EXOC4: variants seen among roughly 807,000 people sequenced by gnomAD.
EXOC4 encodes exocyst complex component 4.
In EXOC4, 71 loss-of-function variants were observed where a neutral mutation model predicts 107.2. The ratio of observed to expected loss-of-function variants is 0.66; its 90% CI spans 0.55 to 0.81. EXOC4 has a LOEUF of 0.81. EXOC4 is among the 30% of genes least tolerant of loss of function. EXOC4 has a pLI of 0.00. For missense variants in EXOC4, 1,108 were observed against 1,189.6 expected (o/e 0.93, Z 1.01); for synonymous variants, 456 against 441.2 (o/e 1.03, Z -0.42).
intron 14 of EXOC4, among the ~76,000 whole-genome samples, chr7:133,985,219 T>C (rs1043963902): frequency 2.4e-4 from 36 of 152,324 alleles, no homozygotes; most frequent in Middle Eastern, 3.4e-3. Context: ...CACATGATCA[T>C]GTAAATAACA....
intron 10 of EXOC4, among the ~76,000 whole-genome samples, chr7:133,735,130 G>A (rs1465718039): frequency 7.1e-6 from 1 of 141,744 alleles, no homozygotes; most frequent in Non-Finnish European, 1.5e-5. Context: ...GGAGGCTGAG[G>A]CAGGAGAATT....
intron 7 of EXOC4, among the ~76,000 whole-genome samples, chr7:133,377,838 G>C (rs1458694000): frequency 4.6e-5 from 7 of 152,246 alleles, no homozygotes; most frequent in Admixed American, 4.6e-4. Flanking sequence ...CAGAAACAAT[G>C]CAAGCCAGAA....
At chr7:133,856,932 C>T (rs890217416) in intron 11 of EXOC4, among the ~76,000 whole-genome samples, 28 of 150,698 alleles carry the variant, frequency 1.9e-4, no homozygotes, top group Non-Finnish European at 3.8e-4. Flanking sequence ...AACCCCGTCT[C>T]TACTAAAAAT....
chr7:133,723,748 C>G (rs1246579123), intron 10 of EXOC4, among the ~76,000 whole-genome samples: 1 of 152,122 alleles, frequency 6.6e-6, no homozygotes, highest in Admixed American at 6.5e-5. Context: ...GCCTCGGCCT[C>G]CCAAAGTGCT....
At chr7:133,926,156 A>G (rs925281221) in intron 13 of EXOC4, among the ~76,000 whole-genome samples, 2 of 152,132 alleles carry the variant, frequency 1.3e-5, no homozygotes, top group African/African-American at 4.8e-5. Context: ...ACGAATTTTC[A>G]GGAATTATTA....
chr7:134,093,116 G>T, the EXOC4 span, among the ~76,000 whole-genome samples: 1 of 151,968 alleles, frequency 6.6e-6, no homozygotes, highest in Admixed American at 6.6e-5. Flanking sequence ...TGGTCTAAAT[G>T]CCATTTACAT....
intron 7 of EXOC4, among the ~76,000 whole-genome samples, chr7:133,404,660 C>G (rs111650071): frequency 1.8e-3 from 272 of 152,114 alleles, no homozygotes; most frequent in African/African-American, 6.1e-3. Context: ...TTTCTTGGGG[C>G]CATGACTCTG....
chr7:133,417,954 A>G (rs62472377), intron 7 of EXOC4, among the ~76,000 whole-genome samples: 1,773 of 152,304 alleles, frequency 0.012, 16 homozygotes, highest in Middle Eastern at 0.034. Flanking sequence ...AGTGAAAGCC[A>G]TAGTATTAAT....
At chr7:134,039,551 G>A (rs1218423833) in intron 17 of EXOC4, among the ~76,000 whole-genome samples, 1 of 152,124 alleles carries the variant, frequency 6.6e-6, no homozygotes, top group Admixed American at 6.6e-5. Context: ...CATATTTCCA[G>A]GTCTGCTAGT....
intron 7 of EXOC4, among the ~76,000 whole-genome samples, chr7:133,395,628 T>A (rs150957815): frequency 1.4e-3 from 212 of 152,194 alleles, no homozygotes; most frequent in Non-Finnish European, 2.4e-3. Flanking sequence ...CTGGAGGAAG[T>A]GAGTTTTACT....
At chr7:133,279,580 A>C (rs530987188) in intron 2 of EXOC4, among the ~76,000 whole-genome samples, 2 of 152,290 alleles carry the variant, frequency 1.3e-5, no homozygotes, top group African/African-American at 4.8e-5. Context: ...GTGCAGTAGC[A>C]CTATCATGAA....
At chr7:133,791,302 CTA>C (rs1796698788) in intron 10 of EXOC4, among the ~76,000 whole-genome samples, 1 of 152,196 alleles carries the variant, frequency 6.6e-6, no homozygotes, top group Non-Finnish European at 1.5e-5. Context: ...GGCCACAAAA[CTA>C]TGAATCAATT....
chr7:133,859,012 C>T (rs1380702578), intron 11 of EXOC4, among the ~76,000 whole-genome samples: 2 of 152,158 alleles, frequency 1.3e-5, no homozygotes, highest in African/African-American at 4.8e-5. Flanking sequence ...TCCCCTGCCT[C>T]AAAACTTTGC....
intron 11 of EXOC4, among the ~76,000 whole-genome samples, chr7:133,844,378 C>CTTTTTTTTTTTTTTTTT (rs761535651): frequency 4.8e-5 from 4 of 83,392 alleles, no homozygotes; most frequent in African/African-American, 2.3e-4. Context: ...CCACATATTC[C>CTTTTTTTTTTTTTTTTT]TTTTTTTTTT....
chr7:134,084,214 G>A, the EXOC4 span, among the ~76,000 whole-genome samples: 1 of 152,310 alleles, frequency 6.6e-6, no homozygotes, highest in South Asian at 2.1e-4. Flanking sequence ...TGGCCATTCT[G>A]AAGGCAGTTG....
At chr7:133,847,537 A>ATTTTTTTTTTTTTTTTTTTTTTTTTT (rs34297470) in intron 11 of EXOC4, among the ~76,000 whole-genome samples, 1 of 127,190 alleles carries the variant, frequency 7.9e-6, no homozygotes. Context: ...TACACCAGCT[A>ATTTTTTTTTTTTTTTTTTTTTTTTTT]TTTTTTTTTT....
At chr7:133,368,130 A>C (rs1796286354) in intron 6 of EXOC4, among the ~76,000 whole-genome samples, 1 of 152,236 alleles carries the variant, frequency 6.6e-6, no homozygotes, top group African/African-American at 2.4e-5. Context: ...GTGTTTACAA[A>C]GAACCATAAA....
intron 17 of EXOC4, among the ~76,000 whole-genome samples, chr7:134,023,639 C>T (rs973754181): frequency 9.2e-5 from 14 of 152,098 alleles, no homozygotes; most frequent in African/African-American, 3.4e-4. Context: ...ATGACAAGAC[C>T]ATGATTCAAA....
intron 10 of EXOC4, among the ~76,000 whole-genome samples, chr7:133,718,290 T>C (rs1170027024): frequency 1.3e-5 from 2 of 152,164 alleles, no homozygotes; most frequent in Non-Finnish European, 2.9e-5. Context: ...AGCATTCTTA[T>C]TGGTGGGGAA....
Sources: allele counts gnomAD v4.1 joint callset (sites outside exome capture counted in the v4.1 genomes callset), GRCh38; gene constraint gnomAD v4.1.1; transcripts MANE v1.5; gene names NCBI Gene and HGNC (gene_info 2026-07-23, HGNC 2026-07-21).